The following KCTD8 variants were observed in gnomAD, a reference collection of about 807,000 sequenced individuals.
The protein encoded by KCTD8 is potassium channel tetramerization domain containing 8.
KCTD8 carries 27 observed loss-of-function variants against 31.5 expected under a neutral mutation model. The ratio of observed to expected loss-of-function variants is 0.86; its 90% CI spans 0.63 to 1.18. The LOEUF (loss-of-function observed/expected upper bound fraction) is 1.18, where lower values mean the gene tolerates loss of function less well. Among genes scored for constraint, KCTD8 ranks in the 50% most tolerant of loss-of-function variants. KCTD8 has a pLI of 0.00. For synonymous variants in KCTD8, 290 were observed against 280.0 expected (o/e 1.04, Z -0.36); for missense variants, 658 against 647.7 (o/e 1.02, Z -0.17).
At chr4:44,181,982 G>A (rs568339211) in intron 1 of KCTD8, among the ~76,000 whole-genome samples, 30 of 149,150 alleles carry the variant, frequency 2.0e-4, no homozygotes, top group African/African-American at 5.7e-4. Flanking sequence ...CCCGGCAGCC[G>A]CCCCATCTGA....
In KCTD8 at chr4:44,206,944, T is replaced by C. The variant is rs188303670; in HGVS notation, c.962-31694A>G. Among the ~76,000 whole-genome samples the C allele has an allele frequency of 2.0e-5, 3 of 152,318 alleles. No individual in the cohort carries two copies. In the East Asian group the frequency reaches 5.8e-4, roughly 29 times the overall value. ...AAGTTAGAAAATAAAAAAATAACCATTCAAAATGAACATTTACTATTTGTT... is the reference window on the plus strand; with the variant it reads ...AAGTTAGAAAATAAAAAAATAACCACTCAAAATGAACATTTACTATTTGTT... On this transcript the variant is annotated intron_variant, in intron 1 of 1. Coordinates refer to ENST00000360029, the MANE Select transcript of KCTD8 (RefSeq NM_198353.3).
intron 1 of KCTD8, among the ~76,000 whole-genome samples, chr4:44,238,755 A>AT (rs1419966524): frequency 6.6e-6 from 1 of 152,164 alleles, no homozygotes; most frequent in Non-Finnish European, 1.5e-5. Context: ...TTAAAAAGTC[A>AT]TATCTGCTGT....
At chr4:44,180,795 TTTATG>T (rs1375692521) in intron 1 of KCTD8, among the ~76,000 whole-genome samples, 4 of 152,150 alleles carry the variant, frequency 2.6e-5, no homozygotes, top group African/African-American at 7.2e-5. Context: ...CCTAAGTTCT[TTTATG>T]TTATAAGAGT....
intron 1 of KCTD8, among the ~76,000 whole-genome samples, chr4:44,222,615 A>G (rs1019820916): frequency 1.3e-5 from 2 of 152,188 alleles, no homozygotes; most frequent in Admixed American, 6.5e-5. Flanking sequence ...TTCAGAGAGT[A>G]AAAACAATGT....
intron 1 of KCTD8, among the ~76,000 whole-genome samples, chr4:44,334,711 T>G (rs1201333417): frequency 1.3e-5 from 2 of 152,038 alleles, no homozygotes; most frequent in Non-Finnish European, 2.9e-5. Flanking sequence ...TATAAACTAA[T>G]GTACATAATC....
intron 1 of KCTD8, among the ~76,000 whole-genome samples, chr4:44,419,679 T>C (rs10938339): frequency 0.6 from 90,772 of 150,856 alleles, 27,435 homozygotes; most frequent in East Asian, 0.74. Flanking sequence ...GGGCAGGGAG[T>C]GTCACATACC....
intron 1 of KCTD8, among the ~76,000 whole-genome samples, chr4:44,280,377 G>A (rs552153923): frequency 7.2e-5 from 11 of 152,080 alleles, no homozygotes; most frequent in African/African-American, 2.4e-4. Context: ...TAGAGTAATT[G>A]GTATTATTTT....
intron 1 of KCTD8, among the ~76,000 whole-genome samples, chr4:44,439,671 T>C (rs1291147494): frequency 6.6e-6 from 1 of 152,112 alleles, no homozygotes; most frequent in Non-Finnish European, 1.5e-5. Flanking sequence ...AACCAGATCC[T>C]TACTTTTACA....
chr4:44,178,201 TAAATA>T (rs997390084), intron 1 of KCTD8, among the ~76,000 whole-genome samples: 2 of 152,112 alleles, frequency 1.3e-5, no homozygotes, highest in African/African-American at 2.4e-5. Context: ...ATTTTAAGAT[TAAATA>T]AAATATCATG....
At chr4:44,336,271 A>T (rs1281317370) in intron 1 of KCTD8, among the ~76,000 whole-genome samples, 1 of 151,654 alleles carries the variant, frequency 6.6e-6, no homozygotes, top group Admixed American at 6.6e-5. Flanking sequence ...GCAATGATGC[A>T]TCTCAGAAAT....
Position 44,308,851 on chromosome 4 carries a change from GTTATAAA to G in KCTD8, c.962-133608_962-133602del, listed in dbSNP as rs530039564. 6.6e-4 allele frequency among the ~76,000 whole-genome samples: 101 copies of G among 152,116 alleles called. No individual in the cohort carries two copies. In the East Asian group the frequency reaches 0.017, roughly 25 times the overall value. On this transcript the variant is annotated intron_variant, in intron 1 of 1. Transcript: ENST00000360029. ...ACTGCCATATATCTTTTACAGTATA[GTTATAAA>G]TTATAAACTCCAGGAGTTTGCCCCA...
chr4:44,187,563 C>T (rs916770936), intron 1 of KCTD8, among the ~76,000 whole-genome samples: 8 of 152,168 alleles, frequency 5.3e-5, no homozygotes, highest in Non-Finnish European at 1.0e-4. Context: ...TTTCACATGC[C>T]CAGGTAGCAA....
chr4:44,366,480 T>C (rs914431192), intron 1 of KCTD8, among the ~76,000 whole-genome samples: 1 of 152,218 alleles, frequency 6.6e-6, no homozygotes, highest in Non-Finnish European at 1.5e-5. Context: ...CTCTTTGCCT[T>C]CTGCTATGAT....
chr4:44,199,874 C>T (rs1714079646), intron 1 of KCTD8, among the ~76,000 whole-genome samples: 1 of 151,382 alleles, frequency 6.6e-6, no homozygotes. Context: ...ACTTGATTAT[C>T]AAAGGAACAG....
At chr4:44,285,100 G>T (rs1352088544) in intron 1 of KCTD8, among the ~76,000 whole-genome samples, 1 of 152,142 alleles carries the variant, frequency 6.6e-6, no homozygotes, top group African/African-American at 2.4e-5. Flanking sequence ...AATACCATTT[G>T]ACCCAGCAAT....
chr4:44,286,199 G>A (rs769713228), intron 1 of KCTD8, among the ~76,000 whole-genome samples: 6 of 151,972 alleles, frequency 3.9e-5, no homozygotes, highest in African/African-American at 1.4e-4. Context: ...TTTAAATACC[G>A]AGTATATTTC....
At chr4:44,237,235 C>G (rs1715319691) in intron 1 of KCTD8, among the ~76,000 whole-genome samples, 1 of 149,008 alleles carries the variant, frequency 6.7e-6, no homozygotes. Context: ...TTTATGCTCC[C>G]TTTTTTTTTT....
At chr4:44,242,773 C>G (rs74426927) in intron 1 of KCTD8, among the ~76,000 whole-genome samples, 5,430 of 152,086 alleles carry the variant, frequency 0.036, 155 homozygotes, top group Non-Finnish European at 0.047. Flanking sequence ...CCTCTTAATA[C>G]TGGGTGAGTT....
chr4:44,434,200 A>G (rs968674553), intron 1 of KCTD8, among the ~76,000 whole-genome samples: 4 of 151,770 alleles, frequency 2.6e-5, no homozygotes, highest in Admixed American at 2.6e-4. Context: ...CCTTTTCTCT[A>G]ATGCCTTCCC....
Sources: gnomAD v4.1 joint callset for allele counts (sites outside exome capture counted in the v4.1 genomes callset) on GRCh38, gnomAD v4.1.1 for gene constraint, MANE v1.5 for transcripts, NCBI Gene and HGNC (gene_info 2026-07-23, HGNC 2026-07-21) for gene names.